UBXN7: variants seen among roughly 807,000 people sequenced by gnomAD.
The protein encoded by UBXN7 is UBX domain-containing protein 7.
A neutral mutation model predicts 58.0 loss-of-function variants in UBXN7; 9 were observed. The observed-to-expected ratio is 0.16, with a 90% CI of 0.09 to 0.27. UBXN7 has a LOEUF of 0.27. UBXN7 is among the 10% of genes least tolerant of loss of function. UBXN7 has a pLI of 1.00. For synonymous variants in UBXN7, 208 were observed against 205.0 expected, an observed-to-expected ratio of 1.01 and a Z score of -0.12; for missense variants, 328 against 599.6, an observed-to-expected ratio of 0.55 and a Z score of 4.73.
At chr3:196,397,163 A>C (rs1425846664) in intron 3 of UBXN7, among the ~76,000 whole-genome samples, 1 of 152,198 alleles carries the variant, frequency 6.6e-6, no homozygotes, top group Admixed American at 6.5e-5. Flanking sequence ...TGCCACAAGG[A>C]AACATCAGTC....
rs1730190419 is a variant in UBXN7 at position 196,407,269 on chromosome 3, G to T, written c.198C>A (p.Val66=). The stretch of plus-strand genomic sequence containing the variant: ...ACTCTGTGTGTGGTCTGACAGTAGA[G>T]ACACTTGCTGAACTGGTACTGGGCT... ...AEEPSTSSAS[V]STVRPHTEEE... The change falls in exon 2 of 11, where the codon GTC becomes GTA. Residue 66 remains valine, a synonymous_variant. Transcript: ENST00000296328. The T allele has an allele frequency of 6.2e-7, 1 of 1,614,134 alleles. No individual in the cohort carries two copies. Among genetic ancestry groups the T allele is most frequent in the South Asian group, 1.1e-5 (1 of 91,068 alleles).
chr3:196,426,756 G>A (rs1730862979), intron 1 of UBXN7, among the ~76,000 whole-genome samples: 1 of 151,872 alleles, frequency 6.6e-6, no homozygotes, highest in African/African-American at 2.4e-5. Flanking sequence ...GCTGAGACAG[G>A]AGAATCGCTT....
intron 1 of UBXN7, among the ~76,000 whole-genome samples, chr3:196,424,032 G>A (rs1389003967): frequency 6.6e-6 from 1 of 151,738 alleles, no homozygotes; most frequent in Admixed American, 6.6e-5. Flanking sequence ...TGGGATTACA[G>A]GTGCCCACCA....
chr3:196,365,520 T>C (rs1443125754), intron 8 of UBXN7, among the ~76,000 whole-genome samples: 2 of 152,078 alleles, frequency 1.3e-5, no homozygotes, highest in African/African-American at 2.4e-5. Context: ...TCAAGCAATA[T>C]TCCTGCCAAG....
At chr3:196,369,885 C>T (rs1424943330) in intron 6 of UBXN7, among the ~76,000 whole-genome samples, 3 of 152,144 alleles carry the variant, frequency 2.0e-5, no homozygotes, top group African/African-American at 7.2e-5. Flanking sequence ...GTAATCCCAG[C>T]ACTTTAGGAG....
intron 5 of UBXN7, among the ~76,000 whole-genome samples, chr3:196,389,043 G>A (rs1216653658): frequency 2.0e-5 from 3 of 152,082 alleles, no homozygotes; most frequent in Non-Finnish European, 4.4e-5. Context: ...TAATGACCAA[G>A]CAGAAAAGTA....
chr3:196,420,663 A>G (rs1220709877), intron 1 of UBXN7, among the ~76,000 whole-genome samples: 49 of 152,064 alleles, frequency 3.2e-4, no homozygotes, highest in Non-Finnish European at 1.3e-4. Context: ...TTTGTTTCTC[A>G]CCACATGAAC....
At chr3:196,407,221 C>G (rs1367123486) in intron 2 of UBXN7, 25 bp downstream of exon 2, 1 of 1,611,080 alleles carries the variant, frequency 6.2e-7, no homozygotes, top group Non-Finnish European at 8.5e-7. Flanking sequence ...TGGATAGCTC[C>G]TGACAACACA....
chr3:196,382,612 T>C (rs1333053684), intron 5 of UBXN7, among the ~76,000 whole-genome samples: 1 of 152,172 alleles, frequency 6.6e-6, no homozygotes, highest in East Asian at 1.9e-4. Flanking sequence ...AACATCATAA[T>C]GACAGGATCA....
rs773638840 is a variant in UBXN7 at position 196,356,312 on chromosome 3, C to G, written c.*373G>C. 1 of 162,004 alleles carries G rather than the reference C, an allele frequency of 6.2e-6. No homozygotes were observed. Among genetic ancestry groups the G allele is most frequent in the Non-Finnish European group, 1.3e-5 (1 of 74,888 alleles). The allele number at this position is 162,004 out of a possible 1,614,324, so 10.0% of individuals were successfully genotyped here. A position where few individuals can be genotyped will look rare whatever the true frequency, so the allele number is the denominator to read the frequency against. On this transcript the variant is annotated 3_prime_UTR_variant, in exon 11 of 11. Coordinates refer to ENST00000296328, the MANE Select transcript of UBXN7 (RefSeq NM_015562.2). ...TTTGCCCGAAGAGTCTGGGGAGTAA[C>G]GTTAACATTTGATCCCAAAAAAGTG...
intron 1 of UBXN7, among the ~76,000 whole-genome samples, chr3:196,422,510 A>G (rs1730720228): frequency 6.6e-6 from 1 of 151,984 alleles, no homozygotes; most frequent in South Asian, 2.1e-4. Flanking sequence ...AATTAAAAAT[A>G]CCAAATGATG....
intron 1 of UBXN7, among the ~76,000 whole-genome samples, chr3:196,407,717 T>G (rs1378542057): frequency 5.3e-5 from 8 of 152,050 alleles, no homozygotes; most frequent in African/African-American, 1.7e-4. Flanking sequence ...TGAAAAAAGA[T>G]AAAGAAAAAT....
intron 2 of UBXN7, among the ~76,000 whole-genome samples, chr3:196,405,550 C>A (rs1232578288): frequency 6.6e-6 from 1 of 151,368 alleles, no homozygotes; most frequent in Non-Finnish European, 1.5e-5. Context: ...TATTGTTATA[C>A]CTCGCTTTAC....
At chr3:196,431,961 G>A (rs972899273) in intron 1 of UBXN7, 3 of 440,130 alleles carry the variant, frequency 6.8e-6, no homozygotes, top group East Asian at 4.8e-5. Context: ...GAGAAGGGAA[G>A]ATGATGAAGG....
At chr3:196,430,001 G>A (rs1468175358) in intron 1 of UBXN7, among the ~76,000 whole-genome samples, 1 of 152,174 alleles carries the variant, frequency 6.6e-6, no homozygotes, top group Non-Finnish European at 1.5e-5. Context: ...GTAATGTGGC[G>A]TTAAACCAAT....
At chr3:196,401,768 T>A (rs11929654) in intron 3 of UBXN7, among the ~76,000 whole-genome samples, 78,021 of 117,258 alleles carry the variant, frequency 0.67, 24,990 homozygotes, top group East Asian at 0.88. Context: ...ATCTCTATTT[T>A]AAAAAAAAAA....
At chr3:196,371,813 A>T in intron 6 of UBXN7, 83 bp downstream of exon 6, 3 of 1,514,440 alleles carry the variant, frequency 2.0e-6, no homozygotes, top group South Asian at 2.6e-5. Context: ...GTCTTAATTC[A>T]TTATAACCCA....
chr3:196,432,231 C>T, intron 1 of UBXN7, 96 bp downstream of exon 1: 1 of 1,522,956 alleles, frequency 6.6e-7, no homozygotes. Context: ...GGGTAAAGCC[C>T]GAAGGAGGAA....
chr3:196,385,419 G>A (rs985881287), intron 5 of UBXN7, among the ~76,000 whole-genome samples: 10 of 152,214 alleles, frequency 6.6e-5, no homozygotes, highest in African/African-American at 1.4e-4. Context: ...CTGCCCGGCC[G>A]CCACCCAGTC....
Sources: allele counts gnomAD v4.1 joint callset (sites outside exome capture counted in the v4.1 genomes callset), GRCh38; gene constraint gnomAD v4.1.1; transcripts MANE v1.5; gene names NCBI Gene and HGNC (gene_info 2026-07-23, HGNC 2026-07-21).